Variants in BTBD9 observed in about 807,000 individuals in gnomAD.
BTBD9 encodes the protein BTB/POZ domain-containing protein 9.
A neutral mutation model predicts 64.3 loss-of-function variants in BTBD9; 49 were observed. The observed-to-expected ratio is 0.76, with a 90% CI of 0.61 to 0.97. The LOEUF (loss-of-function observed/expected upper bound fraction) is 0.97. BTBD9 is among the 50% of genes least tolerant of loss of function. The pLI is 0.00. For synonymous variants in BTBD9, 260 were observed against 274.7 expected, an observed-to-expected ratio of 0.95 and a Z score of 0.53; for missense variants, 598 against 762.1, an observed-to-expected ratio of 0.78 and a Z score of 2.53.
chr6:38,215,587 T>C (rs866491002), intron 9 of BTBD9, among the ~76,000 whole-genome samples: 5 of 152,230 alleles, frequency 3.3e-5, no homozygotes, highest in Admixed American at 6.5e-5. Context: ...AGCTGGCAAG[T>C]TATTTAGTCA....
chr6:38,541,700 T>C (rs749988938), intron 6 of BTBD9, among the ~76,000 whole-genome samples: 49 of 152,166 alleles, frequency 3.2e-4, no homozygotes, highest in Admixed American at 1.8e-3. Flanking sequence ...ATCGCACCAC[T>C]GCACTCCAGC....
intron 6 of BTBD9, among the ~76,000 whole-genome samples, chr6:38,564,683 T>C (rs1775405694): frequency 6.6e-6 from 1 of 152,078 alleles, no homozygotes; most frequent in South Asian, 2.1e-4. Flanking sequence ...GGTCTGGAGA[T>C]TGAGACCATC....
intron 7 of BTBD9, among the ~76,000 whole-genome samples, chr6:38,329,713 G>A (rs1763598685): frequency 6.6e-6 from 1 of 152,090 alleles, no homozygotes; most frequent in South Asian, 2.1e-4. Context: ...TTAACACTTT[G>A]GGAAGCTAAG....
At chr6:38,466,843 G>A (rs1274131027) in intron 6 of BTBD9, among the ~76,000 whole-genome samples, 2 of 152,170 alleles carry the variant, frequency 1.3e-5, no homozygotes, top group Non-Finnish European at 2.9e-5. Flanking sequence ...CTCCCGAAGT[G>A]CTGGGATTAC....
chr6:38,615,173 G>A (rs1356741333), intron 1 of BTBD9, among the ~76,000 whole-genome samples: 5 of 152,174 alleles, frequency 3.3e-5, no homozygotes, highest in Non-Finnish European at 5.9e-5. Flanking sequence ...GTGCAACTCA[G>A]GTGCCATTTC....
At position 38,598,153 on chromosome 6, in the gene BTBD9, G is replaced by T. The variant is rs1050888199; in HGVS notation, c.-27-32C>A. The T allele has an allele frequency of 4.7e-5, 72 of 1,518,048 alleles. No individual in the cohort carries two copies. The African/African-American group carries it at 8.3e-4, about 17-fold the overall frequency. 94.0% of individuals were successfully genotyped at this position (1,518,048 alleles called of 1,614,324 possible). A position where few individuals can be genotyped will look rare whatever the true frequency, so the allele number is the denominator to read the frequency against. ...TATAAAGAAGGAATGAGAGTTAGTT[G>T]GGGGAGGGGAGTACACATAGAAAAT... On this transcript the variant is annotated intron_variant, in intron 1 of 10. Coordinates refer to ENST00000481247, the MANE Select transcript of BTBD9 (RefSeq NM_001099272.2).
chr6:38,191,979 C>G (rs1211828089), intron 10 of BTBD9, among the ~76,000 whole-genome samples: 1 of 152,248 alleles, frequency 6.6e-6, no homozygotes, highest in African/African-American at 2.4e-5. Context: ...TGAGAAAGAT[C>G]ACAGAAAGGT....
chr6:38,438,900 T>C (rs1768885150), intron 6 of BTBD9, among the ~76,000 whole-genome samples: 1 of 151,530 alleles, frequency 6.6e-6, no homozygotes, highest in Non-Finnish European at 1.5e-5. Context: ...CTGAAGGGAG[T>C]GAGGAAATAA....
intron 6 of BTBD9, among the ~76,000 whole-genome samples, chr6:38,361,993 C>T (rs1764982226): frequency 6.6e-6 from 1 of 152,186 alleles, no homozygotes; most frequent in African/African-American, 2.4e-5. Context: ...ACCCAACACA[C>T]CTCCACTTGC....
At chr6:38,601,215 G>A (rs539558197) in intron 1 of BTBD9, among the ~76,000 whole-genome samples, 74 of 152,242 alleles carry the variant, frequency 4.9e-4, no homozygotes, top group African/African-American at 1.8e-3. Context: ...TCCATCCCTT[G>A]CTCAGGTGTA....
intron 6 of BTBD9, among the ~76,000 whole-genome samples, chr6:38,530,767 T>A (rs948537058): frequency 6.6e-6 from 1 of 151,944 alleles, no homozygotes; most frequent in Admixed American, 6.5e-5. Flanking sequence ...TTCTACCAGA[T>A]AAATTTAATG....
chr6:38,228,351 C>CCAAA (rs566108714), intron 9 of BTBD9, among the ~76,000 whole-genome samples: 576 of 28,340 alleles, frequency 0.02, 49 homozygotes, highest in East Asian at 0.12. Flanking sequence ...TCCCCCCCCC[C>CCAAA]AAAAAAAAAA....
chr6:38,594,054 T>A lies in BTBD9; in HGVS notation c.459A>T (p.Ser153=), dbSNP rs1191754513. ...CMTFDVASLY[S]LPKLTCMCCM... is the part of the protein sequence containing the mutation. The stretch of plus-strand genomic sequence containing the variant: ...AGCACATACAAGTTAACTTGGGAAG[T>A]GAGTAGAGACTGGCAACATCAAAAG... Residue 153 remains serine, a synonymous_variant, in exon 3 of 11, where the codon TCA becomes TCT. Transcript: ENST00000481247. 6.2e-7 allele frequency: 1 copy of A among 1,613,970 alleles called. No individual in the cohort carries two copies. The highest frequency in any genetic ancestry group is 8.5e-7 in the Non-Finnish European group (1 of 1,180,008).
intron 6 of BTBD9, among the ~76,000 whole-genome samples, chr6:38,377,349 A>G (rs1765731017): frequency 6.6e-6 from 1 of 152,188 alleles, no homozygotes; most frequent in African/African-American, 2.4e-5. Flanking sequence ...AATTACTTAC[A>G]ACAGAATGAA....
intron 6 of BTBD9, among the ~76,000 whole-genome samples, chr6:38,528,633 A>C (rs1465042937): frequency 6.6e-6 from 1 of 152,238 alleles, no homozygotes; most frequent in Non-Finnish European, 1.5e-5. Flanking sequence ...CCCCCATTCC[A>C]GGTGCTAGCT....
intron 6 of BTBD9, among the ~76,000 whole-genome samples, chr6:38,537,877 G>A (rs1231595094): frequency 6.6e-6 from 1 of 152,088 alleles, no homozygotes; most frequent in African/African-American, 2.4e-5. Context: ...AATACATTGG[G>A]CATACTGTAC....
At chr6:38,438,819 A>G (rs1485074685) in intron 6 of BTBD9, among the ~76,000 whole-genome samples, 2 of 152,234 alleles carry the variant, frequency 1.3e-5, no homozygotes, top group African/African-American at 4.8e-5. Flanking sequence ...ATGCAGAAAA[A>G]CAAAACAGAA....
At chr6:38,492,134 T>C (rs763145257) in intron 6 of BTBD9, among the ~76,000 whole-genome samples, 4 of 152,084 alleles carry the variant, frequency 2.6e-5, no homozygotes, top group Non-Finnish European at 4.4e-5. Context: ...AATCAATCTA[T>C]AATACACAAA....
At chr6:38,394,422 G>C (rs1014012129) in intron 6 of BTBD9, among the ~76,000 whole-genome samples, 1 of 152,124 alleles carries the variant, frequency 6.6e-6, no homozygotes, top group Non-Finnish European at 1.5e-5. Flanking sequence ...AAACAGAAGG[G>C]AGAAGTTTTT....
Sources: allele counts gnomAD v4.1 joint callset (sites outside exome capture counted in the v4.1 genomes callset), GRCh38; gene constraint gnomAD v4.1.1; transcripts MANE v1.5; gene names NCBI Gene and HGNC (gene_info 2026-07-23, HGNC 2026-07-21).